HABP4: variants seen among roughly 807,000 people sequenced by gnomAD.
HABP4 encodes the protein hyaluronan binding protein 4, also known as intracellular hyaluronan-binding protein 4.
Under a neutral mutation model 44.1 loss-of-function variants are expected in HABP4, and 32 were observed. The ratio of observed to expected loss-of-function variants is 0.73; its 90% CI spans 0.55 to 0.97. The LOEUF is 0.97. Among genes scored for constraint, HABP4 ranks in the 50% least tolerant of loss-of-function variants. The pLI, the probability that HABP4 is intolerant of heterozygous loss-of-function variation, is 0.00. For synonymous variants in HABP4, 216 were observed against 218.0 expected (o/e 0.99, Z 0.08); for missense variants, 503 against 561.9 (o/e 0.90, Z 1.06).
intron 2 of HABP4, among the ~76,000 whole-genome samples, chr9:96,462,298 A>T (rs1442324126): frequency 6.6e-6 from 1 of 150,946 alleles, no homozygotes; most frequent in Non-Finnish European, 1.5e-5. Context: ...CTAAAAATAC[A>T]AAATTAGCCG....
At chr9:96,485,984 G>A (rs1832969154) in intron 6 of HABP4, among the ~76,000 whole-genome samples, 1 of 152,136 alleles carries the variant, frequency 6.6e-6, no homozygotes, top group African/African-American at 2.4e-5. Context: ...CCTGAGGTCA[G>A]GAGTTCGAGA....
chr9:96,469,789 G>C (rs1470741648), intron 4 of HABP4, among the ~76,000 whole-genome samples: 1 of 152,146 alleles, frequency 6.6e-6, no homozygotes, highest in African/African-American at 2.4e-5. Context: ...CCAAAGTGCT[G>C]AGATTACAGG....
chr9:96,468,306 G>A (rs1245587604), intron 4 of HABP4, among the ~76,000 whole-genome samples: 1 of 149,360 alleles, frequency 6.7e-6, no homozygotes, highest in African/African-American at 2.5e-5. Context: ...TGCCCAGGCT[G>A]GAGTGCAGTG....
intron 4 of HABP4, among the ~76,000 whole-genome samples, chr9:96,467,518 CTTTTTTTCCTTT>C (rs1832623205): frequency 7.0e-6 from 1 of 142,686 alleles, no homozygotes; most frequent in African/African-American, 2.6e-5. Context: ...TTCTTTCTTT[CTTTTTTTCCTTT>C]TTTTTTTTTT....
At chr9:96,469,054 A>T (rs1396483500) in intron 4 of HABP4, among the ~76,000 whole-genome samples, 1 of 152,248 alleles carries the variant, frequency 6.6e-6, no homozygotes, top group Non-Finnish European at 1.5e-5. Context: ...AACTGGATTT[A>T]AGGACAAAGT....
At chr9:96,454,386 A>G (rs926105527) in intron 1 of HABP4, among the ~76,000 whole-genome samples, 4 of 151,950 alleles carry the variant, frequency 2.6e-5, no homozygotes, top group Non-Finnish European at 5.9e-5. Flanking sequence ...CTTGTTAGGT[A>G]ATTAACTTTC....
In HABP4 at chr9:96,465,419, G is replaced by A. The variant is rs1338929962; in HGVS notation, c.595G>A (p.Gly199Ser). 3 of 1,610,526 alleles carry A rather than the reference G, an allele frequency of 1.9e-6. No homozygotes were observed. Among genetic ancestry groups the A allele is most frequent in the African/African-American group, 2.7e-5 (2 of 74,820 alleles). The change falls in exon 3 of 8, where the codon GGC becomes AGC. Residue 199 changes from glycine to serine, a missense_variant. Coordinates refer to ENST00000375249, the MANE Select transcript of HABP4 (RefSeq NM_014282.4). ...GGGTATGCGCGGCAGAGGCAGAGGT[G>A]GCCCTGGGAACAGAGTTTTTGACGC... ...RGGMRGRGRGGPGNRVFDAFD... is the reference protein window; with the variant it reads ...RGGMRGRGRGSPGNRVFDAFD...
chr9:96,467,062 A>G (rs1016827365), intron 4 of HABP4, among the ~76,000 whole-genome samples: 2 of 151,514 alleles, frequency 1.3e-5, no homozygotes, highest in African/African-American at 4.9e-5. Context: ...AGGTGGGACT[A>G]CAGGTGCACG....
At chr9:96,450,150 G>A (rs1282861436), upstream of HABP4, 5 of 942,944 alleles carry the variant, frequency 5.3e-6, no homozygotes, top group Middle Eastern at 4.3e-4. This position sits in a 1 kb window ranked among gnomAD's most constrained non-coding sequence, Gnocchi z 4.8. Flanking sequence ...GGCGGGCGCC[G>A]GTAGGGGCCG....
At chr9:96,484,119 A>G (rs1294611743) in intron 5 of HABP4, 1 of 169,896 alleles carries the variant, frequency 5.9e-6, no homozygotes, top group African/African-American at 2.4e-5. Context: ...CCTGTATTTT[A>G]TTTCAACCCA....
intron 1 of HABP4, among the ~76,000 whole-genome samples, chr9:96,457,030 T>C (rs1180596249): frequency 2.0e-5 from 3 of 151,730 alleles, no homozygotes; most frequent in Non-Finnish European, 2.9e-5. Context: ...GCTTCAAACA[T>C]AGACTTTGCT....
At chr9:96,468,071 A>G (rs766736295) in intron 4 of HABP4, among the ~76,000 whole-genome samples, 17 of 151,484 alleles carry the variant, frequency 1.1e-4, no homozygotes, top group Non-Finnish European at 1.9e-4. Context: ...ATAAAGTCAA[A>G]GCTCTTTTTT....
chr9:96,456,361 A>G lies in HABP4; in HGVS notation c.350-2018A>G, dbSNP rs967595839. ...AAGATTTACCTGTACCCAGATGATA[A>G]AGTTTTGGTAGAAAATATTAAATGG... On this transcript the variant is annotated intron_variant, in intron 1 of 7. Coordinates refer to ENST00000375249, the MANE Select transcript of HABP4 (RefSeq NM_014282.4). Among the ~76,000 whole-genome samples, 4 of 152,168 alleles carry G rather than the reference A, an allele frequency of 2.6e-5. No homozygotes were observed. In the South Asian group the frequency reaches 8.3e-4, roughly 32 times the overall value.
chr9:96,489,737 C>G (rs568880845), intron 7 of HABP4, among the ~76,000 whole-genome samples: 1 of 152,332 alleles, frequency 6.6e-6, no homozygotes, highest in Middle Eastern at 3.4e-3. Flanking sequence ...TGCAGAACCC[C>G]CAGTAAGAGC....
At chr9:96,485,055 CTT>C (rs869271101) in intron 6 of HABP4, among the ~76,000 whole-genome samples, 8 of 145,200 alleles carry the variant, frequency 5.5e-5, no homozygotes, top group Admixed American at 1.4e-4. Context: ...TAGTTGATGA[CTT>C]TTTTTTTTTT....
intron 1 of HABP4, among the ~76,000 whole-genome samples, chr9:96,451,773 CTT>C (rs1832282308): frequency 6.6e-6 from 1 of 152,192 alleles, no homozygotes; most frequent in South Asian, 2.1e-4. Flanking sequence ...TCTCACGACA[CTT>C]TGGTAGGCCA....
chr9:96,475,006 A>G (rs1346528676), intron 5 of HABP4, among the ~76,000 whole-genome samples: 1 of 152,186 alleles, frequency 6.6e-6, no homozygotes, highest in Non-Finnish European at 1.5e-5. Flanking sequence ...TTACAGAAGT[A>G]TTAACTGTTC....
At chr9:96,466,922 CTT>C (rs200696039) in intron 4 of HABP4, among the ~76,000 whole-genome samples, 26 of 134,864 alleles carry the variant, frequency 1.9e-4, no homozygotes, top group Non-Finnish European at 1.8e-4. Flanking sequence ...AGAATATAAG[CTT>C]TTTTTTTTTT....
At position 96,484,487 on chromosome 9, in the gene HABP4, G is replaced by A. The variant is rs1564169474; in HGVS notation, c.853G>A (p.Glu285Lys). 1.3e-6 allele frequency: 2 copies of A among 1,559,728 alleles called. No individual in the cohort carries two copies. The highest frequency in any genetic ancestry group is 1.8e-6 in the Non-Finnish European group (2 of 1,132,084). ...AKVPELEVEE[E>K]TQVQEMTLDE... ...AGTTCCTGAGTTGGAGGTAGAAGAA[G>A]AAACCCAAGTTCAAGAGATGACTTT... The change falls in exon 6 of 8, where the codon GAA becomes AAA. Residue 285 changes from glutamate (E) to lysine (K), a missense_variant. Glu to Lys is a moderately conservative substitution (Grantham distance 56). Coordinates refer to ENST00000375249, the MANE Select transcript of HABP4 (RefSeq NM_014282.4).
Sources: allele counts gnomAD v4.1 joint callset (sites outside exome capture counted in the v4.1 genomes callset), GRCh38; gene constraint gnomAD v4.1.1; non-coding constraint Gnocchi (gnomAD v3.1); transcripts MANE v1.5; gene names NCBI Gene and HGNC (gene_info 2026-07-23, HGNC 2026-07-21).